The following VPS41 variants were observed in gnomAD, a reference collection of about 807,000 sequenced individuals.
VPS41 encodes the protein VPS41 subunit of HOPS complex.
A neutral mutation model predicts 130.9 loss-of-function variants in VPS41; 85 were observed. The observed-to-expected ratio is 0.65, with a 90% CI of 0.55 to 0.78. The LOEUF (loss-of-function observed/expected upper bound fraction) is 0.78, where lower values mean the gene tolerates loss of function less well. Among genes scored for constraint, VPS41 ranks in the 30% least tolerant of loss-of-function variants. The pLI is 0.00. For synonymous variants in VPS41, 335 were observed against 332.9 expected, an observed-to-expected ratio of 1.01 and a Z score of -0.07; for missense variants, 874 against 1,018.7, an observed-to-expected ratio of 0.86 and a Z score of 1.93.
At chr7:38,898,707 C>T (rs948140342) in intron 1 of VPS41, among the ~76,000 whole-genome samples, 1 of 152,168 alleles carries the variant, frequency 6.6e-6, no homozygotes, top group African/African-American at 2.4e-5. Context: ...TTCCCTCTCG[C>T]TAGACAATGA....
rs192259711 is a variant in VPS41, at chr7:38,899,619, C to T, written c.22-1490G>A. Among the ~76,000 whole-genome samples, 610 of 152,298 alleles carry T rather than the reference C, an allele frequency of 4.0e-3. 10 individuals carry two copies. Among genetic ancestry groups the T allele is most frequent in the Admixed American group, 0.032 (495 of 15,304 alleles). On this transcript the variant is annotated intron_variant, in intron 1 of 28. Coordinates refer to ENST00000310301, the MANE Select transcript of VPS41 (RefSeq NM_014396.4). ...TATAAACTGCTCATTATGTTCCATT[C>T]ACCACCCACAACATTATAAACTTTC...
Position 38,898,124 on chromosome 7 carries a change from A to T in VPS41, c.27T>A (p.Thr9=). Residue 9 remains threonine, a synonymous_variant, in exon 2 of 29, where the codon ACT becomes ACA. Transcript: ENST00000310301. ...CATCTGTAGATTCTTCAAGGGACCC[A>T]GTTTCCTATAAAGCATAGAAAAAGA... MAEAEEQE[T]GSLEESTDES... is the part of the protein sequence containing the mutation. 6.2e-7 allele frequency: 1 copy of T among 1,613,560 alleles called. No homozygotes were observed. Among genetic ancestry groups the T allele is most frequent in the Non-Finnish European group, 8.5e-7 (1 of 1,179,534 alleles).
chr7:38,803,808 C>G (rs1000034394), intron 7 of VPS41, among the ~76,000 whole-genome samples: 4 of 152,102 alleles, frequency 2.6e-5, no homozygotes, highest in Non-Finnish European at 4.4e-5. Context: ...GACCAGGAAC[C>G]CATATGGAGC....
At chr7:38,745,397 ACTGTG>A (rs1219543959) in intron 23 of VPS41, among the ~76,000 whole-genome samples, 157 bp downstream of exon 23, 2 of 152,186 alleles carry the variant, frequency 1.3e-5, no homozygotes, top group Non-Finnish European at 2.9e-5. Context: ...TTCCTTCTTT[ACTGTG>A]CTGTGAAGTC....
rs952146311 is a variant in VPS41, at chr7:38,840,233, T to TA, written c.247-9906dup. 6.6e-5 allele frequency among the ~76,000 whole-genome samples: 10 copies of TA among 152,154 alleles called. No homozygotes were observed. The South Asian group carries it at 1.0e-3, about 16-fold the overall frequency. On this transcript the variant is annotated intron_variant, in intron 4 of 28. Transcript: ENST00000310301. ...AACGAGCTATATAAACACTGTTGAG[T>TA]AAAAAAAAGTAAACTGTTGTTATGT... is the stretch of plus-strand genomic sequence containing the variant.
chr7:38,895,004 T>C (rs576613854), intron 2 of VPS41, among the ~76,000 whole-genome samples: 3 of 152,346 alleles, frequency 2.0e-5, no homozygotes, highest in South Asian at 2.1e-4. Flanking sequence ...ATTTCTAATA[T>C]AGTTTTTAAA....
At chr7:38,885,395 A>G (rs2116394678) in intron 2 of VPS41, among the ~76,000 whole-genome samples, 1 of 152,334 alleles carries the variant, frequency 6.6e-6, no homozygotes, top group South Asian at 2.1e-4. Context: ...TCACCAATGT[A>G]TTCCATAGCA....
chr7:38,848,985 G>A (rs1197753103), intron 4 of VPS41, among the ~76,000 whole-genome samples: 1 of 151,970 alleles, frequency 6.6e-6, no homozygotes, highest in Non-Finnish European at 1.5e-5. Flanking sequence ...TTTCTGGCAA[G>A]GTAAGAACTT....
intron 22 of VPS41, among the ~76,000 whole-genome samples, chr7:38,749,821 T>A (rs1043356080): frequency 1.3e-5 from 2 of 152,232 alleles, no homozygotes; most frequent in Admixed American, 6.5e-5. Flanking sequence ...TAAAAGGGAT[T>A]TGTTTCTAAG....
intron 14 of VPS41, among the ~76,000 whole-genome samples, chr7:38,768,905 C>A (rs1784102315): frequency 6.6e-6 from 1 of 152,164 alleles, no homozygotes; most frequent in South Asian, 2.1e-4. Flanking sequence ...CCAAAAACTA[C>A]CATCATCCCA....
At chr7:38,875,771 G>C (rs1008508340) in intron 2 of VPS41, among the ~76,000 whole-genome samples, 1 of 152,180 alleles carries the variant, frequency 6.6e-6, no homozygotes, top group Non-Finnish European at 1.5e-5. Context: ...CTTTCCATCA[G>C]ACTGCTGAGA....
chr7:38,872,665 T>G (rs141919900), intron 2 of VPS41, among the ~76,000 whole-genome samples: 2,122 of 152,270 alleles, frequency 0.014, 47 homozygotes, highest in African/African-American at 0.047. Context: ...TATGAAAAGG[T>G]AGTGATCATC....
intron 10 of VPS41, among the ~76,000 whole-genome samples, chr7:38,788,868 T>C (rs10268253): frequency 0.72 from 109,340 of 152,104 alleles, 40,945 homozygotes; most frequent in African/African-American, 0.91. Flanking sequence ...ACCACATTAG[T>C]CATGTGGGTA....
chr7:38,767,423 G>C (rs1459943596), intron 15 of VPS41, 114 bp downstream of exon 15: 2 of 534,982 alleles, frequency 3.7e-6, no homozygotes, highest in Admixed American at 7.3e-5. Context: ...AATTACCCTC[G>C]TTAGAAAGAT....
chr7:38,908,236 C>T (rs561765120), intron 1 of VPS41, among the ~76,000 whole-genome samples: 1 of 152,148 alleles, frequency 6.6e-6, no homozygotes, highest in Non-Finnish European at 1.5e-5. Flanking sequence ...AAAACAGTAT[C>T]CAACTGAAAT....
At chr7:38,775,689 T>C (rs886703154) in intron 11 of VPS41, 3 of 152,146 alleles carry the variant, frequency 2.0e-5, no homozygotes, top group Admixed American at 1.3e-4. Flanking sequence ...CCTAGCAACA[T>C]GGGCACCCAG....
intron 2 of VPS41, among the ~76,000 whole-genome samples, chr7:38,889,463 C>T (rs1417615006): frequency 6.6e-6 from 1 of 150,562 alleles, no homozygotes; most frequent in Non-Finnish European, 1.5e-5. Context: ...ATGATAGAAG[C>T]CAGAGGGAAG....
chr7:38,890,875 G>T (rs191685261), intron 2 of VPS41, among the ~76,000 whole-genome samples: 22 of 151,950 alleles, frequency 1.4e-4, no homozygotes, highest in African/African-American at 4.8e-4. Flanking sequence ...TTGTAGAGAC[G>T]GGGTCTCACT....
chr7:38,771,174 T>C lies in VPS41; in HGVS notation c.1185+24A>G. ...ACTTATTGAAAGATAAAATTATGTT[T>C]CAAATAACAAATTGCACACTTACCA... On this transcript the variant is annotated intron_variant, in intron 14 of 28. Transcript: ENST00000310301. The C allele has an allele frequency of 2.6e-6, 4 of 1,527,318 alleles. No homozygotes were observed. The African/African-American group carries it at 5.5e-5, about 21-fold the overall frequency. 94.6% of individuals were successfully genotyped at this position (1,527,318 alleles called of 1,614,324 possible). A position where few individuals can be genotyped will look rare whatever the true frequency, so the allele number is the denominator to read the frequency against.
Sources: gnomAD v4.1 joint callset for allele counts (sites outside exome capture counted in the v4.1 genomes callset) on GRCh38, gnomAD v4.1.1 for gene constraint, MANE v1.5 for transcripts, NCBI Gene and HGNC (gene_info 2026-07-23, HGNC 2026-07-21) for gene names.